IL10RA: variants seen among roughly 807,000 people sequenced by gnomAD.
The protein encoded by IL10RA is interleukin-10 receptor subunit alpha.
IL10RA carries 18 observed loss-of-function variants against 29.6 expected under a neutral mutation model. The observed-to-expected ratio is 0.61, with a 90% confidence interval of 0.42 to 0.90. The LOEUF (loss-of-function observed/expected upper bound fraction) is 0.90. IL10RA is among the 40% of genes least tolerant of loss of function. IL10RA has a pLI of 0.00. For synonymous variants in IL10RA, 292 were observed against 294.1 expected (o/e 0.99, Z 0.07); for missense variants, 634 against 716.6 (o/e 0.88, Z 1.32).
intron 6 of IL10RA, among the ~76,000 whole-genome samples, chr11:117,997,355 A>G (rs1028331779): frequency 3.9e-5 from 6 of 152,258 alleles, no homozygotes; most frequent in African/African-American, 7.2e-5. Context: ...AGGTACTGTC[A>G]TTATTTCCAT....
rs762587847 is a variant in IL10RA, at chr11:118,001,015, C to T, written c.*1374C>T. 3.5e-5 allele frequency: 16 copies of T among 454,234 alleles called. No individual in the cohort carries two copies. The highest frequency in any genetic ancestry group is 2.5e-4 in the South Asian group (16 of 64,478). 28.1% of individuals were successfully genotyped at this position (454,234 alleles called of 1,614,324 possible). On this transcript the variant is annotated 3_prime_UTR_variant, in exon 7 of 7. Coordinates refer to ENST00000227752, the MANE Select transcript of IL10RA (RefSeq NM_001558.4). ...TGCGTGCCATCCAGAGTCATCTCAG[C>T]CCTGCCTTTCTCTGGAGCATTCTGA...
chr11:117,989,716 A>G lies in IL10RA; in HGVS notation c.367+96A>G. The G allele has an allele frequency of 7.9e-7, 1 of 1,272,238 alleles. No individual in the cohort carries two copies. The highest frequency in any genetic ancestry group is 1.1e-6 in the Non-Finnish European group (1 of 897,322). The allele number at this position is 1,272,238 out of a possible 1,614,324, so 78.8% of individuals were successfully genotyped here. On this transcript the variant is annotated intron_variant, in intron 3 of 6. Coordinates refer to ENST00000227752, the MANE Select transcript of IL10RA (RefSeq NM_001558.4). The surrounding 1 kb of genome is among the most constrained non-coding windows in gnomAD (Gnocchi z 4.5). Reference sequence around the variant, plus strand: ...TTTCTGTCTATTACCATAGCTCACCATGTCTGCCAGCCTCCCTGGCCGGAG... The same window carrying G: ...TTTCTGTCTATTACCATAGCTCACCGTGTCTGCCAGCCTCCCTGGCCGGAG...
Position 118,001,211 on chromosome 11 carries a change from G to A in IL10RA, c.*1570G>A, listed in dbSNP as rs1298098995. 6.6e-6 allele frequency: 3 copies of A among 454,180 alleles called. No homozygotes were observed. The Admixed American group carries it at 7.0e-5, about 11-fold the overall frequency. 28.1% of individuals were successfully genotyped at this position (454,180 alleles called of 1,614,324 possible). ...TTATTTTGTTCATTTATTTATTGGA[G>A]AGGCAGCATTGCACAGTGAAAGAAT... On this transcript the variant is annotated 3_prime_UTR_variant, in exon 7 of 7. Coordinates refer to ENST00000227752, the MANE Select transcript of IL10RA (RefSeq NM_001558.4).
chr11:117,996,211 G>A (rs1010262999), intron 6 of IL10RA, among the ~76,000 whole-genome samples: 16 of 152,092 alleles, frequency 1.1e-4, no homozygotes, highest in African/African-American at 2.9e-4. Context: ...GCTGGTCCTC[G>A]GGCTGCTGCC....
intron 5 of IL10RA, 185 bp downstream of exon 5, chr11:117,994,334 A>G (rs2134989764): frequency 1.7e-6 from 1 of 597,150 alleles, no homozygotes. Context: ...ACTGAGGCTC[A>G]GTATTAGCAA....
rs751507453 is a variant in IL10RA, at chr11:118,001,017, C to T, written c.*1376C>T. 1 of 454,134 alleles carries T rather than the reference C, an allele frequency of 2.2e-6. No individual in the cohort carries two copies. Among genetic ancestry groups the T allele is most frequent in the South Asian group, 1.6e-5 (1 of 64,478 alleles). 28.1% of individuals were successfully genotyped at this position (454,134 alleles called of 1,614,324 possible). On this transcript the variant is annotated 3_prime_UTR_variant, in exon 7 of 7. Coordinates refer to ENST00000227752, the MANE Select transcript of IL10RA (RefSeq NM_001558.4). The stretch of plus-strand genomic sequence containing the variant: ...CGTGCCATCCAGAGTCATCTCAGCC[C>T]TGCCTTTCTCTGGAGCATTCTGAAA...
At chr11:117,991,510 A>G (rs1316931522) in intron 3 of IL10RA, among the ~76,000 whole-genome samples, 1 of 152,094 alleles carries the variant, frequency 6.6e-6, no homozygotes, top group Non-Finnish European at 1.5e-5. Context: ...CTCCTGTCTC[A>G]CTGTAACTTG....
chr11:118,000,302 A>T lies in IL10RA; in HGVS notation c.*661A>T, dbSNP rs969512492. 1 of 454,230 alleles carries T rather than the reference A, an allele frequency of 2.2e-6. No homozygotes were observed. The highest frequency in any genetic ancestry group is 4.4e-6 in the Non-Finnish European group (1 of 226,782). 28.1% of individuals were successfully genotyped at this position (454,230 alleles called of 1,614,324 possible). Reference sequence around the variant, plus strand: ...AGCCGAGACCCTGGATGGGGCTTCCAGCTCAGAACCCATCCCTCTGGTGGG... The same window carrying T: ...AGCCGAGACCCTGGATGGGGCTTCCTGCTCAGAACCCATCCCTCTGGTGGG... On this transcript the variant is annotated 3_prime_UTR_variant, in exon 7 of 7. Coordinates refer to ENST00000227752, the MANE Select transcript of IL10RA (RefSeq NM_001558.4).
chr11:117,995,633 C>T lies in IL10RA; in HGVS notation c.733C>T (p.Leu245=). ...NVIIFFAFVL[L]LSGALAYCLA... is the part of the protein sequence containing the mutation. Reference sequence around the variant, plus strand: ...CATCATCTTCTTTGCCTTTGTCCTGCTGCTCTCCGGAGCCCTCGCCTACTG... The same window carrying T: ...CATCATCTTCTTTGCCTTTGTCCTGTTGCTCTCCGGAGCCCTCGCCTACTG... Residue 245 remains leucine (L), a synonymous_variant, in exon 6 of 7, where the codon CTG becomes TTG. Coordinates refer to ENST00000227752, the MANE Select transcript of IL10RA (RefSeq NM_001558.4). The T allele has an allele frequency of 6.2e-7, 1 of 1,614,158 alleles. No individual in the cohort carries two copies. Among genetic ancestry groups the T allele is most frequent in the Non-Finnish European group, 8.5e-7 (1 of 1,180,026 alleles).
intron 6 of IL10RA, among the ~76,000 whole-genome samples, chr11:117,996,469 A>T (rs2058057401): frequency 6.6e-6 from 1 of 152,232 alleles, no homozygotes; most frequent in Non-Finnish European, 1.5e-5. Flanking sequence ...CCTGGAGTTC[A>T]GGCCGCATTG....
chr11:117,986,463 C>T lies in IL10RA; in HGVS notation c.-5C>T. The T allele has an allele frequency of 6.4e-7, 1 of 1,552,568 alleles. No individual in the cohort carries two copies. The highest frequency in any genetic ancestry group is 8.7e-7 in the Non-Finnish European group (1 of 1,148,326). On this transcript the variant is annotated 5_prime_UTR_variant, in exon 1 of 7. Coordinates refer to ENST00000227752, the MANE Select transcript of IL10RA (RefSeq NM_001558.4). Reference sequence around the variant, plus strand: ...TCCGGCCCCGGACGATGCGGCGCGCCCAGGATGCTGCCGTGCCTCGTAGTG... The same window carrying T: ...TCCGGCCCCGGACGATGCGGCGCGCTCAGGATGCTGCCGTGCCTCGTAGTG...
At chr11:117,987,137 C>T in intron 1 of IL10RA, 1 of 337,230 alleles carries the variant, frequency 3.0e-6, no homozygotes, top group Non-Finnish European at 5.9e-6. Context: ...AAAGTAAACC[C>T]CAGAGACAGA....
chr11:117,986,630 C>G, intron 1 of IL10RA, 96 bp downstream of exon 1: 10 of 1,541,610 alleles, frequency 6.5e-6, no homozygotes, highest in Non-Finnish European at 7.8e-6. Context: ...CTGGCTGGCC[C>G]TCTGGCAGAG....
chr11:118,001,697 C>T, downstream of IL10RA: 4 of 286,222 alleles, frequency 1.4e-5, no homozygotes, highest in South Asian at 1.4e-4. Context: ...GTTTTAATTT[C>T]CCCACCTGTC....
intron 6 of IL10RA, among the ~76,000 whole-genome samples, chr11:117,998,371 G>C (rs1740267279): frequency 1.3e-5 from 2 of 152,168 alleles, no homozygotes. Context: ...AGTCAAAAAA[G>C]TTTGAAACAT....
chr11:117,995,746 C>T (rs1204869101), intron 6 of IL10RA, 36 bp downstream of exon 6: 2 of 1,606,922 alleles, frequency 1.2e-6, no homozygotes, highest in Non-Finnish European at 1.7e-6. Flanking sequence ...CCCGTCCTTC[C>T]CAGCCACACC....
intron 1 of IL10RA, chr11:117,987,837 A>C: frequency 5.3e-6 from 1 of 188,728 alleles, no homozygotes; most frequent in Admixed American, 5.4e-5. Context: ...CTATAGGCAA[A>C]GCCCTCCCAG....
Position 117,993,543 on chromosome 11 carries a change from G to T in IL10RA, c.537+133G>T, listed in dbSNP as rs552856601. 7.5e-6 allele frequency: 6 copies of T among 803,910 alleles called. No homozygotes were observed. In the East Asian group the frequency reaches 1.3e-4, roughly 17 times the overall value. The allele number at this position is 803,910 out of a possible 1,614,324, so 49.8% of individuals were successfully genotyped here. A position where few individuals can be genotyped will look rare whatever the true frequency, so the allele number is the denominator to read the frequency against. On this transcript the variant is annotated intron_variant, in intron 4 of 6. Transcript: ENST00000227752. ...GAGGGTCTGGGATGGTGGGTGGGCAGAGGAGGGAGTAGAAACCACCTCAGC... is the reference window on the plus strand; with the variant it reads ...GAGGGTCTGGGATGGTGGGTGGGCATAGGAGGGAGTAGAAACCACCTCAGC...
chr11:117,993,216 T>TC (rs751713159), intron 3 of IL10RA, 25 bp from the exon 4 acceptor site: 39 of 1,610,734 alleles, frequency 2.4e-5, no homozygotes, highest in South Asian at 1.3e-4. Context: ...CTCATGGTAT[T>TC]CCCCCCCACC....
Sources: gnomAD v4.1 joint callset for allele counts (sites outside exome capture counted in the v4.1 genomes callset) on GRCh38, gnomAD v4.1.1 for gene constraint, Gnocchi (gnomAD v3.1) non-coding constraint, MANE v1.5 for transcripts, NCBI Gene and HGNC (gene_info 2026-07-23, HGNC 2026-07-21) for gene names.